Variants in INSL6 observed in about 807,000 individuals in gnomAD.
INSL6 encodes the protein insulin-like peptide INSL6.
Under a neutral mutation model 9.4 loss-of-function variants are expected in INSL6, and 16 were observed. That is an observed-to-expected ratio of 1.70 (90% confidence interval 1.15 to 2.59). The LOEUF is 2.59. Among genes scored for constraint, INSL6 ranks in the 30% most tolerant of loss-of-function variants. The pLI, the probability that INSL6 is intolerant of heterozygous loss-of-function variation, is 0.00. For synonymous variants in INSL6, 154 were observed against 96.9 expected, an observed-to-expected ratio of 1.59 and a Z score of -3.46; for missense variants, 391 against 257.3, an observed-to-expected ratio of 1.52 and a Z score of -3.56.
intron 2 of INSL6, among the ~76,000 whole-genome samples, chr9:5,140,082 A>G (rs1007139018): frequency 1.3e-5 from 2 of 152,230 alleles, no homozygotes; most frequent in Non-Finnish European, 2.9e-5. Flanking sequence ...ATGAATTTAC[A>G]GAAGCAAATG....
At chr9:5,085,948 G>C in the INSL6 span, 2 of 1,120,896 alleles carry the variant, frequency 1.8e-6, no homozygotes, top group Admixed American at 1.7e-5. Context: ...AGTTTGAAAG[G>C]ATCGGTGTAT....
At position 5,177,870 on chromosome 9, in the gene INSL6, TTC is replaced by T. The variant is rs538779606; in HGVS notation, c.289+7442_289+7443del. On this transcript the variant is annotated intron_variant, in intron 1 of 1. Coordinates refer to ENST00000381641, the MANE Select transcript of INSL6 (RefSeq NM_007179.3). ...GCCAGACTGTGGCCAGACTGCTTCT[TTC>T]TTTTTCTTCTTTTTCTTTTTTGAGT... 2.0e-4 allele frequency among the ~76,000 whole-genome samples: 30 copies of T among 152,178 alleles called. No individual in the cohort carries two copies. The South Asian group carries it at 6.0e-3, about 31-fold the overall frequency.
the INSL6 span, chr9:5,111,128 G>A: frequency 3.5e-6 from 4 of 1,138,800 alleles, no homozygotes; most frequent in African/African-American, 1.5e-5. Flanking sequence ...GACCCCAGCT[G>A]GACGTTCAGC....
chr9:5,007,925 C>G, the INSL6 span, among the ~76,000 whole-genome samples: 1 of 151,890 alleles, frequency 6.6e-6, no homozygotes, highest in Non-Finnish European at 1.5e-5. Flanking sequence ...AACAGGGTCT[C>G]ACTACATTGG....
the INSL6 span, chr9:5,068,955 G>T: frequency 1.1e-6 from 1 of 871,162 alleles, no homozygotes; most frequent in Non-Finnish European, 1.7e-6. Context: ...ATATCATTTT[G>T]TCAGAATAAT....
chr9:5,036,253 C>A, the INSL6 span, among the ~76,000 whole-genome samples: 1 of 152,188 alleles, frequency 6.6e-6, no homozygotes, highest in Non-Finnish European at 1.5e-5. Context: ...AAGAACATTC[C>A]ATGCTCATGG....
chr9:5,129,752 T>A (rs541615394), intron 3 of INSL6, among the ~76,000 whole-genome samples: 112 of 152,274 alleles, frequency 7.4e-4, no homozygotes, highest in African/African-American at 2.6e-3. Context: ...ACAGTGATAT[T>A]AGATTTCAAA....
chr9:5,165,476 C>A (rs1422696295), intron 1 of INSL6, among the ~76,000 whole-genome samples: 1 of 152,160 alleles, frequency 6.6e-6, no homozygotes, highest in African/African-American at 2.4e-5. Context: ...CATGGATGCA[C>A]AGTGGTAGCT....
the INSL6 span, among the ~76,000 whole-genome samples, chr9:5,057,584 T>C: frequency 8.8e-3 from 581 of 65,728 alleles, 1 homozygote; most frequent in Non-Finnish European, 0.012. Context: ...TACTTTCTTT[T>C]TTTTTTTTTT....
chr9:5,096,518 G>C, the INSL6 span: 1 of 152,322 alleles, frequency 6.6e-6, no homozygotes, highest in Non-Finnish European at 1.5e-5. Context: ...TGGTAGGCCG[G>C]AGAAGCCCTG....
At chr9:5,125,485 T>A (rs1564028810) in intron 3 of INSL6, among the ~76,000 whole-genome samples, 1 of 151,466 alleles carries the variant, frequency 6.6e-6, no homozygotes. Flanking sequence ...AACATCCTCA[T>A]GCATAAATAT....
At chr9:4,998,469 C>A in the INSL6 span, among the ~76,000 whole-genome samples, 18 of 152,068 alleles carry the variant, frequency 1.2e-4, no homozygotes, top group Admixed American at 2.6e-4. Context: ...GTTGGTCAGG[C>A]TGGTCTCGAA....
chr9:5,063,254 A>T, the INSL6 span, among the ~76,000 whole-genome samples: 6 of 152,254 alleles, frequency 3.9e-5, no homozygotes, highest in South Asian at 1.2e-3. Flanking sequence ...TTTCCTTTGT[A>T]TCTAGCTTTA....
the INSL6 span, among the ~76,000 whole-genome samples, chr9:4,996,037 G>GA: frequency 6.6e-6 from 1 of 152,092 alleles, no homozygotes; most frequent in Non-Finnish European, 1.5e-5. Context: ...CAATCCATAG[G>GA]ATAGGTCAAG....
chr9:5,115,048 CA>C, the INSL6 span, among the ~76,000 whole-genome samples: 1 of 152,144 alleles, frequency 6.6e-6, no homozygotes, highest in Non-Finnish European at 1.5e-5. Flanking sequence ...GCAATGGCAA[CA>C]AAAGCCAAAA....
At chr9:5,061,642 T>C in the INSL6 span, among the ~76,000 whole-genome samples, 1 of 152,238 alleles carries the variant, frequency 6.6e-6, no homozygotes, top group Non-Finnish European at 1.5e-5. Context: ...TTTGATCTTC[T>C]ATCTAGAACT....
the INSL6 span, chr9:5,040,847 G>A: frequency 4.3e-4 from 92 of 215,750 alleles, no homozygotes; most frequent in East Asian, 0.011. Flanking sequence ...GAGCCCCAGC[G>A]CGAGCAGGAG....
the INSL6 span, among the ~76,000 whole-genome samples, chr9:5,093,224 A>G: frequency 2.4e-4 from 37 of 152,336 alleles, no homozygotes; most frequent in Admixed American, 1.1e-3. Flanking sequence ...CAACACAGGC[A>G]TGCTCTAAGG....
At chr9:5,120,463 T>C (rs1489469338), downstream of INSL6, among the ~76,000 whole-genome samples, 1 of 152,246 alleles carries the variant, frequency 6.6e-6, no homozygotes, top group East Asian at 1.9e-4. Flanking sequence ...GAAACTTTGT[T>C]ATCTATATTG....
Sources: gnomAD v4.1 joint callset for allele counts (sites outside exome capture counted in the v4.1 genomes callset) on GRCh38, gnomAD v4.1.1 for gene constraint, MANE v1.5 for transcripts, NCBI Gene and HGNC (gene_info 2026-07-23, HGNC 2026-07-21) for gene names.